APOLD1: variants seen among roughly 807,000 people sequenced by gnomAD.
The protein encoded by APOLD1 is apolipoprotein L domain containing 1.
In APOLD1, 22 loss-of-function variants were observed where a neutral mutation model predicts 15.3. The observed-to-expected ratio is 1.44, with a 90% CI of 1.03 to 2.05. The LOEUF (loss-of-function observed/expected upper bound fraction) is 2.05, where lower values mean the gene tolerates loss of function less well. Among genes scored for constraint, APOLD1 ranks in the 30% most tolerant of loss-of-function variants. The pLI is 0.00. For missense variants in APOLD1, 394 were observed against 353.5 expected (o/e 1.11, Z -0.92); for synonymous variants, 190 against 167.4 (o/e 1.13, Z -1.04).
At chr12:12,778,579 C>T (rs369305127) in intron 1 of APOLD1, among the ~76,000 whole-genome samples, 70 of 151,116 alleles carry the variant, frequency 4.6e-4, no homozygotes, top group South Asian at 4.0e-3. Context: ...CCTCCTGCCT[C>T]GGCCCCCCAA....
chr12:12,767,575 T>C (rs777527654), intron 1 of APOLD1, among the ~76,000 whole-genome samples: 3 of 151,922 alleles, frequency 2.0e-5, no homozygotes, highest in African/African-American at 4.8e-5. Context: ...GCATGAGAAT[T>C]GCTTGAACCC....
chr12:12,776,339 A>C (rs1947033585), intron 1 of APOLD1, among the ~76,000 whole-genome samples: 1 of 152,216 alleles, frequency 6.6e-6, no homozygotes, highest in Non-Finnish European at 1.5e-5. Flanking sequence ...ATACTGTTGT[A>C]GATGTCTGAG....
At chr12:12,746,773 T>TCAGCC (rs1335276850) in intron 1 of APOLD1, among the ~76,000 whole-genome samples, 2 of 152,172 alleles carry the variant, frequency 1.3e-5, no homozygotes. Context: ...AGGTAGCTTT[T>TCAGCC]CAGCCCTTCT....
At position 12,787,254 on chromosome 12, in the gene APOLD1, C is replaced by T. The variant is rs1297995174; in HGVS notation, c.349C>T (p.Leu117=). 6.3e-6 allele frequency: 10 copies of T among 1,583,324 alleles called. No individual in the cohort carries two copies. The highest frequency in any genetic ancestry group is 2.7e-5 in the African/African-American group (2 of 74,394). ...LSLIFCNSRE[L]RRVQEIAATC... ...GCTGATCTTCTGCAACTCCCGGGAG[C>T]TGCGGAGGGTGCAGGAGATCGCGGC... The change falls in exon 2 of 2, where the codon CTG becomes TTG. Residue 117 remains leucine, a synonymous_variant. Coordinates refer to ENST00000356591, the MANE Select transcript of APOLD1 (RefSeq NM_030817.3). This position sits in a 1 kb window ranked among gnomAD's most constrained non-coding sequence, Gnocchi z 4.9.
In APOLD1 at chr12:12,726,672, TCTAA is replaced by T. The variant is rs149030953; in HGVS notation, c.96+579_96+582del. On this transcript the variant is annotated intron_variant, in intron 1 of 1. Transcript: ENST00000326765. Reference sequence around the variant, plus strand: ...ATCCAGCACTAGCCTTCTAACAGTTTCTAACTCAGTGGTGACATTTTTTAGTTCT... The same window carrying T: ...ATCCAGCACTAGCCTTCTAACAGTTTCTCAGTGGTGACATTTTTTAGTTCT... Among the ~76,000 whole-genome samples the T allele has an allele frequency of 3.7e-3, 563 of 152,312 alleles. 2 individuals carry two copies. The highest frequency in any genetic ancestry group is 6.8e-3 in the Non-Finnish European group (460 of 68,024).
chr12:12,760,347 A>G (rs1306345644), intron 1 of APOLD1, among the ~76,000 whole-genome samples: 2 of 151,264 alleles, frequency 1.3e-5, no homozygotes, highest in East Asian at 3.9e-4. Flanking sequence ...ACAAACAAAC[A>G]AAAACCTTGG....
chr12:12,752,746 C>T (rs771163620), intron 1 of APOLD1, among the ~76,000 whole-genome samples: 24 of 152,110 alleles, frequency 1.6e-4, no homozygotes, highest in Non-Finnish European at 2.8e-4. Context: ...ACTATTGCTG[C>T]AAAATATAGC....
At chr12:12,743,874 A>G (rs1946745024) in intron 1 of APOLD1, among the ~76,000 whole-genome samples, 1 of 152,210 alleles carries the variant, frequency 6.6e-6, no homozygotes, top group South Asian at 2.1e-4. Context: ...CTAGGAGCCC[A>G]GGAATGCAGC....
At chr12:12,738,431 C>G (rs571451422) in intron 1 of APOLD1, among the ~76,000 whole-genome samples, 33 of 152,150 alleles carry the variant, frequency 2.2e-4, no homozygotes, top group African/African-American at 7.7e-4. Flanking sequence ...GTCTTGAACT[C>G]CTTTGCTCAA....
chr12:12,738,437 C>T (rs1364399415), intron 1 of APOLD1, among the ~76,000 whole-genome samples: 1 of 152,078 alleles, frequency 6.6e-6, no homozygotes, highest in African/African-American at 2.4e-5. Flanking sequence ...AACTCCTTTG[C>T]TCAAGCAGTC....
upstream of APOLD1, among the ~76,000 whole-genome samples, chr12:12,781,376 G>A (rs1172435778): frequency 1.3e-5 from 2 of 152,138 alleles, no homozygotes; most frequent in African/African-American, 4.8e-5. Flanking sequence ...CCTGGGAGGC[G>A]GAGGTTGCAG....
chr12:12,737,801 G>A, intron 1 of APOLD1, among the ~76,000 whole-genome samples: 1 of 152,136 alleles, frequency 6.6e-6, no homozygotes, highest in East Asian at 1.9e-4. Context: ...CGTGGGATTT[G>A]TTCAACCGTG....
At chr12:12,756,129 C>T (rs965118280) in intron 1 of APOLD1, among the ~76,000 whole-genome samples, 3 of 152,114 alleles carry the variant, frequency 2.0e-5, no homozygotes, top group African/African-American at 4.8e-5. Flanking sequence ...AAGGCAGACC[C>T]GTGGGTGAAG....
chr12:12,730,432 G>A (rs1436361855), intron 1 of APOLD1, among the ~76,000 whole-genome samples: 4 of 151,998 alleles, frequency 2.6e-5, no homozygotes, highest in African/African-American at 9.7e-5. Flanking sequence ...TGTAATGCCA[G>A]CACTTTGGGA....
upstream of APOLD1, among the ~76,000 whole-genome samples, chr12:12,782,025 G>A (rs1299647735): frequency 5.3e-5 from 8 of 151,570 alleles, no homozygotes; most frequent in Admixed American, 6.6e-5. Context: ...TTGGGAGGCC[G>A]AGGTGGGCAG....
chr12:12,744,564 G>A (rs1272321604), intron 1 of APOLD1, among the ~76,000 whole-genome samples: 1 of 152,088 alleles, frequency 6.6e-6, no homozygotes, highest in Non-Finnish European at 1.5e-5. Context: ...AACAGAGATC[G>A]CACCACTGCA....
chr12:12,747,386 T>C (rs113876770), intron 1 of APOLD1, among the ~76,000 whole-genome samples: 1 of 152,258 alleles, frequency 6.6e-6, no homozygotes, highest in African/African-American at 2.4e-5. Flanking sequence ...ACTCTGCTCC[T>C]GAGCTGTGAT....
At chr12:12,753,092 TA>T (rs1946824696) in intron 1 of APOLD1, among the ~76,000 whole-genome samples, 1 of 151,852 alleles carries the variant, frequency 6.6e-6, no homozygotes, top group South Asian at 2.1e-4. Flanking sequence ...CACAATAGGC[TA>T]AAAAAATAGA....
At chr12:12,742,125 G>A (rs1315701571) in intron 1 of APOLD1, among the ~76,000 whole-genome samples, 1 of 152,128 alleles carries the variant, frequency 6.6e-6, no homozygotes. Flanking sequence ...CCCCAGCTAT[G>A]TCCGGAATGG....
Sources: allele counts gnomAD v4.1 joint callset (sites outside exome capture counted in the v4.1 genomes callset), GRCh38; gene constraint gnomAD v4.1.1; non-coding constraint Gnocchi (gnomAD v3.1); transcripts MANE v1.5; gene names NCBI Gene and HGNC (gene_info 2026-07-23, HGNC 2026-07-21).